Variants in BANP observed in about 807,000 individuals in gnomAD.
The protein encoded by BANP is BTG3 associated nuclear protein, also known as protein BANP.
A neutral mutation model predicts 68.1 loss-of-function variants in BANP; 11 were observed. That is an observed-to-expected ratio of 0.16 (90% CI 0.10 to 0.27). BANP has a LOEUF of 0.27. Ranked by LOEUF, BANP falls within the 10% of genes least tolerant of loss-of-function variation. The pLI is 1.00. For missense variants in BANP, 504 were observed against 722.7 expected (o/e 0.70, Z 3.47); for synonymous variants, 329 against 303.2 (o/e 1.09, Z -0.88).
chr16:88,059,470 C>A (rs1317376431), intron 11 of BANP, among the ~76,000 whole-genome samples: 2 of 152,106 alleles, frequency 1.3e-5, no homozygotes, highest in Non-Finnish European at 2.9e-5. Context: ...TTTGCAAAGA[C>A]CCTGTTTTCA....
chr16:87,975,299 G>C, intron 2 of BANP, 114 bp downstream of exon 2: 4 of 1,056,704 alleles, frequency 3.8e-6, no homozygotes, highest in East Asian at 5.1e-5. Context: ...TGCATGCTGC[G>C]TATGAAAAGT....
At chr16:88,037,935 TTC>T in intron 10 of BANP, 36 bp from the exon 11 acceptor site, 1 of 1,604,432 alleles carries the variant, frequency 6.2e-7, no homozygotes, top group South Asian at 1.1e-5. Flanking sequence ...CTTGGTGTGT[TTC>T]TACTCATGAC....
At chr16:88,026,308 A>C (rs2076979077) in intron 7 of BANP, among the ~76,000 whole-genome samples, 1 of 152,224 alleles carries the variant, frequency 6.6e-6, no homozygotes, top group Non-Finnish European at 1.5e-5. Context: ...CCTGCCCGTA[A>C]GGAGTTTGTA....
intron 4 of BANP, among the ~76,000 whole-genome samples, chr16:87,994,224 G>A (rs909653655): frequency 2.0e-5 from 3 of 152,208 alleles, no homozygotes; most frequent in Non-Finnish European, 4.4e-5. Context: ...TGACTTCTGT[G>A]GAGTCAGTCC....
intron 11 of BANP, among the ~76,000 whole-genome samples, chr16:88,045,953 C>T (rs1433699590): frequency 2.0e-5 from 3 of 152,226 alleles, no homozygotes; most frequent in South Asian, 2.1e-4. Flanking sequence ...CTTCGCTGGG[C>T]GCACACGGCC....
In BANP at chr16:88,071,888, C is replaced by T; in HGVS notation, c.1378-181C>T. ...CACTCTCTCACTGGATCTGATGCGA[C>T]TTGAGAGCGATGGGGAGACAGGATG... On this transcript the variant is annotated intron_variant, in intron 12 of 13. Transcript: ENST00000682872. The surrounding 1 kb of genome is among the most constrained non-coding windows in gnomAD (Gnocchi z 6.5). 2.5e-6 allele frequency: 2 copies of T among 808,250 alleles called. No individual in the cohort carries two copies. The allele number at this position is 808,250 out of a possible 1,614,324, so 50.1% of individuals were successfully genotyped here.
rs1005518187 is a variant in BANP at position 88,018,698 on chromosome 16, G to A, written c.895+31G>A. ...TCGGGCCCCGCCTTGGGGGACTGGG[G>A]TGTGCGGGGAGCTGGGTCAGGACCC... On this transcript the variant is annotated intron_variant, in intron 7 of 13. Transcript: ENST00000682872. This position sits in a 1 kb window ranked among gnomAD's most constrained non-coding sequence, Gnocchi z 7.7. The A allele has an allele frequency of 3.2e-6, 5 of 1,544,744 alleles. No homozygotes were observed. Among genetic ancestry groups the A allele is most frequent in the Non-Finnish European group, 4.4e-6 (5 of 1,142,440 alleles).
intron 11 of BANP, among the ~76,000 whole-genome samples, chr16:88,041,333 C>T (rs775335298): frequency 1.3e-5 from 2 of 152,204 alleles, no homozygotes; most frequent in Non-Finnish European, 2.9e-5. Flanking sequence ...TCCAGGAGGG[C>T]CTTGGTGGCT....
intron 3 of BANP, among the ~76,000 whole-genome samples, chr16:87,981,893 A>G (rs867872625): frequency 9.2e-5 from 14 of 152,372 alleles, no homozygotes; most frequent in Middle Eastern, 3.4e-3. Flanking sequence ...GGTTGGTTCC[A>G]GTGTTTGCAG....
At chr16:87,958,340 G>C (rs905128968) in intron 1 of BANP, among the ~76,000 whole-genome samples, 5 of 152,198 alleles carry the variant, frequency 3.3e-5, no homozygotes, top group Non-Finnish European at 5.9e-5. Context: ...TGGATAAAAG[G>C]AGCATGGTTC....
chr16:87,993,988 C>T (rs766564138), intron 4 of BANP, among the ~76,000 whole-genome samples: 2 of 148,960 alleles, frequency 1.3e-5, no homozygotes, highest in Non-Finnish European at 1.5e-5. Context: ...GCCGTTTCTC[C>T]GTGAATTGAA....
rs368265366 is a variant in BANP, at chr16:88,000,236, G to A, written c.363-4059G>A. ...TCCAGACACGTCTCCATGCACGCAC[G>A]TGCGCGGCTGTACTCACCTGTCCTT... On this transcript the variant is annotated intron_variant, in intron 4 of 13. Coordinates refer to ENST00000682872, the MANE Select transcript of BANP (RefSeq NM_001386991.1). 1.7e-4 allele frequency among the ~76,000 whole-genome samples: 5 copies of A among 29,568 alleles called. 1 individual carries two copies. The highest frequency in any genetic ancestry group is 1.3e-4 in the Non-Finnish European group (2 of 15,184). The allele number at this position is 29,568 out of a possible 152,430, so 19.4% of individuals were successfully genotyped here.
At chr16:88,005,235 A>T (rs1362277231) in intron 5 of BANP, among the ~76,000 whole-genome samples, 2 of 152,156 alleles carry the variant, frequency 1.3e-5, no homozygotes, top group Non-Finnish European at 2.9e-5. Flanking sequence ...GGGGCTTTGC[A>T]CTGAGGTCAG....
chr16:88,024,645 C>T lies in BANP; in HGVS notation c.896-2838C>T, dbSNP rs368914811. ...GCACCCGTAAGTGCATGTTCAGATCCTCGCCCTCCTCACCCACTGCACTCT... is the reference window on the plus strand; with the variant it reads ...GCACCCGTAAGTGCATGTTCAGATCTTCGCCCTCCTCACCCACTGCACTCT... On this transcript the variant is annotated intron_variant, in intron 7 of 13. Transcript: ENST00000682872. Among the ~76,000 whole-genome samples, 224 of 152,342 alleles carry T rather than the reference C, an allele frequency of 1.5e-3. 1 individual carries two copies. The highest frequency in any genetic ancestry group is 5.3e-3 in the African/African-American group (221 of 41,588).
intron 6 of BANP, among the ~76,000 whole-genome samples, chr16:88,013,494 T>C (rs535484193): frequency 2.0e-5 from 3 of 152,144 alleles, no homozygotes; most frequent in Non-Finnish European, 4.4e-5. Context: ...GCCTAGTTCC[T>C]AGACCGCTGC....
At chr16:87,959,426 G>A (rs922107959) in intron 1 of BANP, among the ~76,000 whole-genome samples, 1 of 152,242 alleles carries the variant, frequency 6.6e-6, no homozygotes, top group African/African-American at 2.4e-5. Context: ...GGAATAAGAC[G>A]AGGTTGTGTA....
At chr16:88,023,020 G>T (rs11117348) in intron 7 of BANP, among the ~76,000 whole-genome samples, 3 of 152,026 alleles carry the variant, frequency 2.0e-5, no homozygotes, top group Admixed American at 6.5e-5. Flanking sequence ...CGGGTGGTCA[G>T]GTGCTGTCTC....
At chr16:88,045,965 A>G (rs2081931950) in intron 11 of BANP, among the ~76,000 whole-genome samples, 1 of 152,210 alleles carries the variant, frequency 6.6e-6, no homozygotes, top group Non-Finnish European at 1.5e-5. Context: ...CACACGGCCC[A>G]CCTGGCACTC....
At chr16:88,050,546 A>G (rs1211956635) in intron 11 of BANP, among the ~76,000 whole-genome samples, 1 of 152,186 alleles carries the variant, frequency 6.6e-6, no homozygotes, top group Non-Finnish European at 1.5e-5. Context: ...CAGCGGCCTA[A>G]GTGGCGTTGC....
Sources: allele counts gnomAD v4.1 joint callset (sites outside exome capture counted in the v4.1 genomes callset), GRCh38; gene constraint gnomAD v4.1.1; non-coding constraint Gnocchi (gnomAD v3.1); transcripts MANE v1.5; gene names NCBI Gene and HGNC (gene_info 2026-07-23, HGNC 2026-07-21).